The following UBR1 variants were observed in gnomAD, a reference collection of about 807,000 sequenced individuals.
UBR1 encodes E3 ubiquitin-protein ligase UBR1.
UBR1 carries 102 observed loss-of-function variants against 242.1 expected under a neutral mutation model. The observed-to-expected ratio is 0.42, with a 90% CI of 0.36 to 0.50. UBR1 has a LOEUF of 0.50. Among genes scored for constraint, UBR1 ranks in the 20% least tolerant of loss-of-function variants. The probability of loss-of-function intolerance (pLI) is 0.01; values close to 1 mark genes in which losing one functional copy is unlikely to be tolerated. For synonymous variants in UBR1, 675 were observed against 684.8 expected, an observed-to-expected ratio of 0.99 and a Z score of 0.22; for missense variants, 1,772 against 2,101.8, an observed-to-expected ratio of 0.84 and a Z score of 3.07.
intron 29 of UBR1, among the ~76,000 whole-genome samples, chr15:43,010,809 C>T (rs905841493): frequency 3.3e-5 from 3 of 89,912 alleles, no homozygotes; most frequent in African/African-American, 1.4e-4. Context: ...CCCATCTCTA[C>T]TAAAAATACA....
intron 39 of UBR1, among the ~76,000 whole-genome samples, chr15:42,975,576 A>C (rs910157127): frequency 2.6e-5 from 4 of 152,082 alleles, no homozygotes; most frequent in African/African-American, 9.7e-5. Flanking sequence ...TGCACATGTA[A>C]TTTTGCCATA....
intron 4 of UBR1, among the ~76,000 whole-genome samples, chr15:43,073,574 A>G (rs146364844): frequency 3.8e-4 from 58 of 152,332 alleles, no homozygotes; most frequent in African/African-American, 1.3e-3. Flanking sequence ...TACCAATTTT[A>G]ATAGTAAGAA....
chr15:42,976,952 G>A (rs1488049729), intron 38 of UBR1, 85 bp from the exon 39 acceptor site: 6 of 1,414,860 alleles, frequency 4.2e-6, no homozygotes, highest in Non-Finnish European at 5.9e-6. Context: ...AAGGGCAGCA[G>A]ATGCTACACA....
chr15:43,001,148 CTTTTT>C (rs773312013), intron 32 of UBR1, among the ~76,000 whole-genome samples: 1 of 131,746 alleles, frequency 7.6e-6, no homozygotes, highest in Non-Finnish European at 1.6e-5. Flanking sequence ...TAGAGCAATT[CTTTTT>C]TTTTTTTTTT....
intron 6 of UBR1, among the ~76,000 whole-genome samples, chr15:43,065,681 A>G (rs913182671): frequency 1.3e-5 from 2 of 152,162 alleles, no homozygotes; most frequent in African/African-American, 4.8e-5. Context: ...TGCAAAGGAC[A>G]TAATCTTGTT....
intron 39 of UBR1, among the ~76,000 whole-genome samples, chr15:42,976,459 AG>A (rs1248937069): frequency 6.6e-6 from 1 of 152,172 alleles, no homozygotes; most frequent in Non-Finnish European, 1.5e-5. Context: ...TTTGAAAAAG[AG>A]GGAAAAGCAG....
At chr15:43,006,791 C>T (rs1471649757) in intron 30 of UBR1, among the ~76,000 whole-genome samples, 1 of 151,736 alleles carries the variant, frequency 6.6e-6, no homozygotes, top group East Asian at 1.9e-4. Context: ...AAAGGAGGGA[C>T]TAATCTGGAT....
At chr15:43,067,388 C>T (rs147459893) in intron 6 of UBR1, among the ~76,000 whole-genome samples, 497 of 152,248 alleles carry the variant, frequency 3.3e-3, no homozygotes, top group African/African-American at 0.011. Flanking sequence ...GAATGTCATG[C>T]TATTTCTTAC....
chr15:43,008,556 T>C (rs1282248989), intron 29 of UBR1, among the ~76,000 whole-genome samples: 1 of 152,170 alleles, frequency 6.6e-6, no homozygotes, highest in Non-Finnish European at 1.5e-5. Flanking sequence ...GTGGATGATA[T>C]GTTGATGGCG....
chr15:43,056,248 TA>T, intron 11 of UBR1, 95 bp downstream of exon 11: 1 of 1,005,638 alleles, frequency 9.9e-7, no homozygotes, highest in Non-Finnish European at 1.6e-6. Context: ...TTAGTGATTC[TA>T]ACATTGTTCT....
At chr15:42,982,878 T>C (rs766061534) in intron 37 of UBR1, among the ~76,000 whole-genome samples, 7 of 152,180 alleles carry the variant, frequency 4.6e-5, no homozygotes, top group Admixed American at 3.3e-4. Context: ...TTGGGACTTA[T>C]GAACAAACAG....
intron 3 of UBR1, among the ~76,000 whole-genome samples, chr15:43,076,440 AT>A (rs965918285): frequency 1.4e-5 from 2 of 140,006 alleles, no homozygotes; most frequent in Non-Finnish European, 3.1e-5. Flanking sequence ...CCCGGCCGCC[AT>A]CCCATCTAGG....
chr15:43,033,422 G>T (rs1034650968), intron 19 of UBR1, among the ~76,000 whole-genome samples: 1 of 152,120 alleles, frequency 6.6e-6, no homozygotes, highest in African/African-American at 2.4e-5. Flanking sequence ...AAGGCATGTG[G>T]ATCACAAGGT....
At chr15:42,963,495 G>A (rs1192772247) in intron 42 of UBR1, among the ~76,000 whole-genome samples, 1 of 152,088 alleles carries the variant, frequency 6.6e-6, no homozygotes, top group Non-Finnish European at 1.5e-5. Flanking sequence ...TTCTCTCTTG[G>A]AAATTTAACT....
intron 46 of UBR1, among the ~76,000 whole-genome samples, chr15:42,947,217 A>T (rs2031752910): frequency 6.6e-6 from 1 of 152,254 alleles, no homozygotes; most frequent in Non-Finnish European, 1.5e-5. Flanking sequence ...GGACACTACA[A>T]ACTTATACTA....
At position 43,007,191 on chromosome 15, in the gene UBR1, G is replaced by A; in HGVS notation, c.3303C>T (p.Cys1101=). 1 of 1,613,972 alleles carries A rather than the reference G, an allele frequency of 6.2e-7. No homozygotes were observed. The highest frequency in any genetic ancestry group is 8.5e-7 in the Non-Finnish European group (1 of 1,179,998). The change falls in exon 30 of 47, where the codon TGC becomes TGT. Residue 1101 remains cysteine (C), a synonymous_variant. Transcript: ENST00000290650. ...CTATTTTCACCTCCTGTTCTTCTTG[G>A]CAAAGGATGCACGTCAGCACCTCCT... ...TEKEVLTCIL[C]QEEQEVKIEN... is the part of the protein sequence containing the mutation.
At chr15:43,002,787 T>A (rs1596094626) in intron 31 of UBR1, 83 bp from the exon 32 acceptor site, 1 of 1,587,112 alleles carries the variant, frequency 6.3e-7, no homozygotes, top group East Asian at 2.3e-5. Context: ...TAATCCAAGT[T>A]TTAAAAATCT....
chr15:42,964,749 A>G (rs998603063), intron 41 of UBR1, among the ~76,000 whole-genome samples: 3 of 152,200 alleles, frequency 2.0e-5, no homozygotes, highest in African/African-American at 7.2e-5. Context: ...GACTACGTCA[A>G]ACGAAGCCTT....
At position 43,076,638 on chromosome 15, in the gene UBR1, G is replaced by A. The variant is rs1379580567; in HGVS notation, c.418-1549C>T. 1.2e-4 allele frequency among the ~76,000 whole-genome samples: 16 copies of A among 137,542 alleles called. No homozygotes were observed. In the East Asian group the frequency reaches 1.3e-3, roughly 11 times the overall value. 90.2% of individuals were successfully genotyped at this position (137,542 alleles called of 152,430 possible). A position where few individuals can be genotyped will look rare whatever the true frequency, so the allele number is the denominator to read the frequency against. On this transcript the variant is annotated intron_variant, in intron 3 of 46. Coordinates refer to ENST00000290650, the MANE Select transcript of UBR1 (RefSeq NM_174916.3). ...AGGAGCCTCTCTGCCCGGCCGCCCC[G>A]TCTGAGAAGTGAGGAAACCCTCTGC...
Sources: gnomAD v4.1 joint callset for allele counts (sites outside exome capture counted in the v4.1 genomes callset) on GRCh38, gnomAD v4.1.1 for gene constraint, MANE v1.5 for transcripts, NCBI Gene and HGNC (gene_info 2026-07-23, HGNC 2026-07-21) for gene names.